The following SGK3 variants were observed in gnomAD, a reference collection of about 807,000 sequenced individuals.
The protein encoded by SGK3 is serine/threonine-protein kinase Sgk3.
Under a neutral mutation model 68.5 loss-of-function variants are expected in SGK3, and 47 were observed. The observed-to-expected ratio is 0.69, with a 90% CI of 0.54 to 0.87. SGK3 has a LOEUF of 0.87. Ranked by LOEUF, SGK3 falls within the 40% of genes least tolerant of loss-of-function variation. The probability of loss-of-function intolerance (pLI) is 0.00; values close to 1 mark genes in which losing one functional copy is unlikely to be tolerated. For synonymous variants in SGK3, 181 were observed against 189.1 expected, an observed-to-expected ratio of 0.96 and a Z score of 0.35; for missense variants, 479 against 575.5, an observed-to-expected ratio of 0.83 and a Z score of 1.72.
At chr8:66,729,151 G>A (rs547413486) in intron 1 of SGK3, among the ~76,000 whole-genome samples, 4 of 150,476 alleles carry the variant, frequency 2.7e-5, no homozygotes, top group South Asian at 4.2e-4. Flanking sequence ...CCCAGGAGGC[G>A]GAGCTTGCAG....
At chr8:66,773,432 C>T (rs1205201932) in intron 1 of SGK3, among the ~76,000 whole-genome samples, 1 of 152,192 alleles carries the variant, frequency 6.6e-6, no homozygotes, top group Admixed American at 6.5e-5. Context: ...CCTTCTAAAA[C>T]TCCCAGTGGT....
At chr8:66,723,123 ATATATATATTTTTTT>A (rs1379212157) in intron 1 of SGK3, among the ~76,000 whole-genome samples, 55 of 51,418 alleles carry the variant, frequency 1.1e-3, no homozygotes, top group African/African-American at 4.9e-3. Context: ...ATATATATAT[ATATATATATTTTTTT>A]TTTTTTTTTT....
At chr8:66,739,778 A>G (rs1805427762) in intron 1 of SGK3, among the ~76,000 whole-genome samples, 2 of 152,212 alleles carry the variant, frequency 1.3e-5, no homozygotes, top group Admixed American at 6.5e-5. Flanking sequence ...CCTTACAATC[A>G]TGGTGGAAGG....
chr8:66,848,919 C>T (rs562047230), intron 15 of SGK3, among the ~76,000 whole-genome samples: 1 of 152,348 alleles, frequency 6.6e-6, no homozygotes, highest in East Asian at 1.9e-4. Context: ...TTTTCCTCAA[C>T]TTATGCCGCC....
At chr8:66,798,115 C>A (rs1004581179) in intron 2 of SGK3, among the ~76,000 whole-genome samples, 1 of 151,852 alleles carries the variant, frequency 6.6e-6, no homozygotes, top group African/African-American at 2.4e-5. Context: ...CTCAAGCAAT[C>A]CTCTTACTTC....
intron 1 of SGK3, among the ~76,000 whole-genome samples, chr8:66,771,931 A>G (rs2130491195): frequency 6.6e-6 from 1 of 151,040 alleles, no homozygotes; most frequent in Admixed American, 6.6e-5. Flanking sequence ...TGAATCAGTC[A>G]TATGTAACTG....
intron 3 of SGK3, among the ~76,000 whole-genome samples, chr8:66,801,297 A>G (rs780282266): frequency 7.2e-5 from 11 of 152,202 alleles, no homozygotes; most frequent in Admixed American, 1.3e-4. Flanking sequence ...CAGATTTGTG[A>G]TATTCAACCT....
intron 1 of SGK3, among the ~76,000 whole-genome samples, chr8:66,732,097 A>G (rs916102103): frequency 6.6e-6 from 1 of 152,202 alleles, no homozygotes. Context: ...TAGAAAAGGT[A>G]AACAGTTAAA....
intron 1 of SGK3, among the ~76,000 whole-genome samples, chr8:66,776,733 C>G (rs1366573036): frequency 6.6e-6 from 1 of 152,214 alleles, no homozygotes; most frequent in South Asian, 2.1e-4. Flanking sequence ...CCAGCACTAT[C>G]CTGCTTGGTA....
At chr8:66,738,794 A>AT (rs981437547) in intron 1 of SGK3, among the ~76,000 whole-genome samples, 57 of 151,114 alleles carry the variant, frequency 3.8e-4, no homozygotes, top group African/African-American at 1.1e-3. Context: ...CACCTGGCTA[A>AT]TTTTTTTTTG....
intron 1 of SGK3, among the ~76,000 whole-genome samples, chr8:66,713,542 A>G (rs1397780709): frequency 6.6e-6 from 1 of 152,242 alleles, no homozygotes. Flanking sequence ...GGTGCAAAAT[A>G]AATACAGAGC....
At chr8:66,826,727 C>T (rs1809073286) in intron 6 of SGK3, among the ~76,000 whole-genome samples, 1 of 152,102 alleles carries the variant, frequency 6.6e-6, no homozygotes, top group Non-Finnish European at 1.5e-5. Context: ...TCACTGCAAC[C>T]TCTGCCTCAT....
rs757141353 is a variant in SGK3 at position 66,828,640 on chromosome 8, C to T, written c.418-14C>T. The T allele has an allele frequency of 5.0e-6, 8 of 1,613,550 alleles. No homozygotes were observed. The South Asian group carries it at 6.6e-5, about 13-fold the overall frequency. ...TCCAATAAGAATGTTGTTTTTCTTT[C>T]CCCACCTTCACAGCTACACTCTACC... On this transcript the variant is annotated splice_polypyrimidine_tract_variant and intron_variant, in intron 6 of 16. Coordinates refer to ENST00000521198, the MANE Select transcript of SGK3 (RefSeq NM_001033578.3).
intron 10 of SGK3, among the ~76,000 whole-genome samples, chr8:66,838,909 A>G (rs972296820): frequency 6.6e-6 from 1 of 152,190 alleles, no homozygotes; most frequent in Non-Finnish European, 1.5e-5. Context: ...TTTAGAGCAA[A>G]GTAGAATAAA....
In SGK3 at chr8:66,861,597, G is replaced by C. The variant is rs1323622788; in HGVS notation, c.*2016G>C. The C allele has an allele frequency of 6.6e-6, 1 of 152,154 alleles. No individual in the cohort carries two copies. The highest frequency in any genetic ancestry group is 6.5e-5 in the Admixed American group (1 of 15,270). 9.4% of individuals were successfully genotyped at this position (152,154 alleles called of 1,614,324 possible). A position where few individuals can be genotyped will look rare whatever the true frequency, so the allele number is the denominator to read the frequency against. On this transcript the variant is annotated 3_prime_UTR_variant, in exon 17 of 17. Coordinates refer to ENST00000521198, the MANE Select transcript of SGK3 (RefSeq NM_001033578.3). ...TAATGACCCACTTTAGATGCTCCAA[G>C]AACAAGCATCCCTTCCATGTATGTC...
At chr8:66,790,408 A>G (rs560365825) in intron 1 of SGK3, among the ~76,000 whole-genome samples, 6 of 152,334 alleles carry the variant, frequency 3.9e-5, no homozygotes, top group Non-Finnish European at 1.5e-5. Context: ...GCTTTCAGCA[A>G]GGAAGTTCAG....
intron 1 of SGK3, among the ~76,000 whole-genome samples, chr8:66,768,280 G>C (rs909873584): frequency 2.6e-5 from 4 of 152,044 alleles, no homozygotes; most frequent in African/African-American, 9.7e-5. Context: ...AATATGTTTA[G>C]TTCTGTTGTT....
At chr8:66,754,785 C>T (rs920514028) in intron 1 of SGK3, among the ~76,000 whole-genome samples, 14 of 152,242 alleles carry the variant, frequency 9.2e-5, no homozygotes, top group African/African-American at 3.1e-4. Context: ...TTGGCATCAC[C>T]ATCATTTCTG....
intron 13 of SGK3, among the ~76,000 whole-genome samples, chr8:66,841,785 A>G (rs912716495): frequency 6.6e-6 from 1 of 152,220 alleles, no homozygotes; most frequent in Non-Finnish European, 1.5e-5. Context: ...CCCATTTTCT[A>G]ATCATGTTAG....
Sources: allele counts gnomAD v4.1 joint callset (sites outside exome capture counted in the v4.1 genomes callset), GRCh38; gene constraint gnomAD v4.1.1; transcripts MANE v1.5; gene names NCBI Gene and HGNC (gene_info 2026-07-23, HGNC 2026-07-21).